Variants in DGKB observed in about 807,000 individuals in gnomAD.
DGKB encodes diacylglycerol kinase beta.
In DGKB, 67 loss-of-function variants were observed where a neutral mutation model predicts 114.3. The observed-to-expected ratio is 0.59, with a 90% CI of 0.48 to 0.72. The LOEUF is 0.72. Among genes scored for constraint, DGKB ranks in the 30% least tolerant of loss-of-function variants. The pLI, the probability that DGKB is intolerant of heterozygous loss-of-function variation, is 0.00. For missense variants in DGKB, 907 were observed against 975.2 expected (o/e 0.93, Z 0.93); for synonymous variants, 398 against 323.1 (o/e 1.23, Z -2.49).
intron 5 of DGKB, among the ~76,000 whole-genome samples, chr7:14,721,197 T>C (rs1000262330): frequency 2.6e-5 from 4 of 152,236 alleles, no homozygotes; most frequent in African/African-American, 9.6e-5. Flanking sequence ...AAATATATTA[T>C]AGATCTTCAC....
intron 23 of DGKB, among the ~76,000 whole-genome samples, chr7:14,317,143 T>G (rs1344928538): frequency 5.2e-5 from 4 of 77,436 alleles, no homozygotes; most frequent in Admixed American, 4.0e-4. Context: ...TTCAAAATAA[T>G]AAGAGCTATC....
chr7:14,470,495 GT>G (rs1297522618), intron 21 of DGKB, among the ~76,000 whole-genome samples: 38 of 151,910 alleles, frequency 2.5e-4, no homozygotes, highest in African/African-American at 8.9e-4. Context: ...TACTTTCACT[GT>G]TTTTAATAGA....
At chr7:14,189,954 T>C (rs185528115) in intron 23 of DGKB, among the ~76,000 whole-genome samples, 64 of 152,156 alleles carry the variant, frequency 4.2e-4, no homozygotes, top group Non-Finnish European at 7.2e-4. Flanking sequence ...CAATACAAAA[T>C]AGTAGGGGAT....
At chr7:14,325,260 G>A (rs144901605) in intron 23 of DGKB, among the ~76,000 whole-genome samples, 1 of 152,094 alleles carries the variant, frequency 6.6e-6, no homozygotes, top group Non-Finnish European at 1.5e-5. Context: ...GAGGTGATGT[G>A]GTCTCTGTTG....
intron 23 of DGKB, among the ~76,000 whole-genome samples, chr7:14,305,952 C>T (rs1014031083): frequency 6.6e-6 from 1 of 152,034 alleles, no homozygotes; most frequent in Non-Finnish European, 1.5e-5. Flanking sequence ...ACAGTGAAAG[C>T]AGATGAACTT....
chr7:14,586,026 T>A (rs1187658499), intron 17 of DGKB, among the ~76,000 whole-genome samples: 2 of 152,050 alleles, frequency 1.3e-5, no homozygotes, highest in Non-Finnish European at 2.9e-5. Context: ...AACCCTACAA[T>A]GTCCTCTAAG....
chr7:14,349,419 T>C (rs112862817), intron 21 of DGKB, among the ~76,000 whole-genome samples: 1,740 of 152,280 alleles, frequency 0.011, 13 homozygotes, highest in Non-Finnish European at 0.018. Context: ...ATAGAAATGA[T>C]TATTCCCTGT....
intron 6 of DGKB, among the ~76,000 whole-genome samples, chr7:14,712,626 G>A (rs544803146): frequency 1.8e-3 from 269 of 152,002 alleles, no homozygotes; most frequent in African/African-American, 5.9e-3. Context: ...AGCCAAGACT[G>A]TGCCACTGCA....
At chr7:14,603,934 G>A (rs1804014046) in intron 17 of DGKB, among the ~76,000 whole-genome samples, 1 of 152,094 alleles carries the variant, frequency 6.6e-6, no homozygotes. Context: ...CAAAAAACTT[G>A]ATATGAACTT....
intron 23 of DGKB, among the ~76,000 whole-genome samples, chr7:14,195,376 C>T (rs879826914): frequency 7.9e-5 from 12 of 152,124 alleles, no homozygotes; most frequent in Admixed American, 7.2e-4. Flanking sequence ...GAGGGGCATC[C>T]TGCACCCTAA....
At chr7:14,311,528 T>A (rs1275789208) in intron 23 of DGKB, among the ~76,000 whole-genome samples, 4 of 152,074 alleles carry the variant, frequency 2.6e-5, no homozygotes, top group Admixed American at 1.3e-4. Context: ...GCTCAGGTGA[T>A]CCTCCCACCT....
chr7:14,818,845 G>A (rs1230385935), intron 2 of DGKB, among the ~76,000 whole-genome samples: 5 of 152,158 alleles, frequency 3.3e-5, no homozygotes, highest in Admixed American at 6.6e-5. Context: ...TAGGATTTGA[G>A]GAGGAGAGAA....
intron 21 of DGKB, among the ~76,000 whole-genome samples, chr7:14,361,397 T>A (rs977402000): frequency 1.3e-5 from 2 of 152,028 alleles, no homozygotes; most frequent in Middle Eastern, 3.2e-3. Flanking sequence ...ATTGAATAAT[T>A]CTATAGTTTA....
chr7:14,721,317 A>T (rs1209937326), intron 5 of DGKB, among the ~76,000 whole-genome samples: 2 of 152,222 alleles, frequency 1.3e-5, no homozygotes, highest in South Asian at 2.1e-4. Context: ...TAAGGATCAC[A>T]TAATTTTGTC....
At chr7:14,330,614 T>A (rs530549060) in intron 23 of DGKB, among the ~76,000 whole-genome samples, 225 of 152,128 alleles carry the variant, frequency 1.5e-3, no homozygotes, top group Middle Eastern at 6.8e-3. Context: ...CCAGATTTTT[T>A]AAATTTTACT....
intron 21 of DGKB, among the ~76,000 whole-genome samples, chr7:14,419,106 T>A (rs1215569712): frequency 6.6e-6 from 1 of 151,880 alleles, no homozygotes; most frequent in Middle Eastern, 3.2e-3. Context: ...AGCGGAATGT[T>A]TGTCCTATTA....
chr7:14,864,642 A>AT (rs1337002313), intron 1 of DGKB, among the ~76,000 whole-genome samples: 1 of 152,200 alleles, frequency 6.6e-6, no homozygotes, highest in Non-Finnish European at 1.5e-5. Flanking sequence ...AGAAAATAGG[A>AT]TATCAGAGCA....
chr7:14,919,103 C>CAA (rs1562875513), intron 1 of DGKB, among the ~76,000 whole-genome samples: 1 of 132,268 alleles, frequency 7.6e-6, no homozygotes, highest in Non-Finnish European at 1.7e-5. Context: ...CAAACACACA[C>CAA]ACACACACAC....
intron 1 of DGKB, among the ~76,000 whole-genome samples, chr7:14,937,025 T>TACACACACACAC (rs56176139): frequency 3.8e-5 from 5 of 132,284 alleles, no homozygotes; most frequent in Admixed American, 7.8e-5. Context: ...GTCCATTCAC[T>TACACACACACAC]ACACACACAC....
Sources: allele counts gnomAD v4.1 joint callset (sites outside exome capture counted in the v4.1 genomes callset), GRCh38; gene constraint gnomAD v4.1.1; transcripts MANE v1.5; gene names NCBI Gene and HGNC (gene_info 2026-07-23, HGNC 2026-07-21).